The following NEGR1 variants were observed in gnomAD, a reference collection of about 807,000 sequenced individuals.
NEGR1 encodes neuronal growth regulator 1, also known as IgLON family member 4.
Under a neutral mutation model 40.9 loss-of-function variants are expected in NEGR1, and 10 were observed. The observed-to-expected ratio is 0.24, with a 90% CI of 0.15 to 0.42. NEGR1 has a LOEUF of 0.42. Among genes scored for constraint, NEGR1 ranks in the 10% least tolerant of loss-of-function variants. The pLI, the probability that NEGR1 is intolerant of heterozygous loss-of-function variation, is 1.00. For synonymous variants in NEGR1, 185 were observed against 166.8 expected, an observed-to-expected ratio of 1.11 and a Z score of -0.84; for missense variants, 352 against 438.9, an observed-to-expected ratio of 0.80 and a Z score of 1.77.
At chr1:71,559,211 T>C (rs897691156) in intron 6 of NEGR1, among the ~76,000 whole-genome samples, 18 of 151,274 alleles carry the variant, frequency 1.2e-4, no homozygotes, top group African/African-American at 4.1e-4. Flanking sequence ...TTTATTACTA[T>C]ATTTTTCTTA....
chr1:72,127,586 A>G (rs1013645935), intron 1 of NEGR1, among the ~76,000 whole-genome samples: 1 of 152,040 alleles, frequency 6.6e-6, no homozygotes, highest in Non-Finnish European at 1.5e-5. Flanking sequence ...AAAAGCATCT[A>G]AAGGTGGTAT....
intron 1 of NEGR1, among the ~76,000 whole-genome samples, chr1:72,254,719 A>C (rs1001884001): frequency 6.2e-5 from 9 of 144,746 alleles, no homozygotes; most frequent in Admixed American, 4.8e-4. Flanking sequence ...AAAAAAAAAA[A>C]GCATTTTATT....
chr1:71,914,457 A>G (rs1026809142), intron 2 of NEGR1, among the ~76,000 whole-genome samples: 2 of 152,226 alleles, frequency 1.3e-5, no homozygotes, highest in African/African-American at 4.8e-5. Flanking sequence ...AAGCCCAGGT[A>G]ATGAAAACCA....
intron 1 of NEGR1, among the ~76,000 whole-genome samples, chr1:71,964,973 GT>G (rs747042251): frequency 5.1e-4 from 78 of 152,118 alleles, no homozygotes; most frequent in Non-Finnish European, 1.0e-3. Flanking sequence ...AATTGTTCGA[GT>G]TTAGCATGGT....
intron 1 of NEGR1, among the ~76,000 whole-genome samples, chr1:72,250,372 G>C (rs1034733499): frequency 6.6e-6 from 1 of 151,788 alleles, no homozygotes; most frequent in African/African-American, 2.4e-5. Flanking sequence ...TCCCTACCTA[G>C]TCAGAGAAAA....
At chr1:71,423,956 A>G (rs1646413599) in intron 6 of NEGR1, among the ~76,000 whole-genome samples, 1 of 151,844 alleles carries the variant, frequency 6.6e-6, no homozygotes, top group Non-Finnish European at 1.5e-5. Context: ...GGTTATTAAT[A>G]TCCTTAGACT....
chr1:71,977,821 CA>C (rs35650252), intron 1 of NEGR1, among the ~76,000 whole-genome samples: 38,006 of 122,604 alleles, frequency 0.31, 5,520 homozygotes, highest in African/African-American at 0.41. Flanking sequence ...AAGCGCAAAA[CA>C]AAAAAAAAAA....
At chr1:72,128,284 G>C (rs1427343146) in intron 1 of NEGR1, among the ~76,000 whole-genome samples, 1 of 152,174 alleles carries the variant, frequency 6.6e-6, no homozygotes, top group African/African-American at 2.4e-5. Flanking sequence ...TTGCAATGGT[G>C]TTAAATCCCT....
chr1:72,147,932 C>T lies in NEGR1; in HGVS notation c.176+134387G>A, dbSNP rs530637610. 2.0e-5 allele frequency among the ~76,000 whole-genome samples: 3 copies of T among 152,254 alleles called. No homozygotes were observed. In the East Asian group the frequency reaches 5.8e-4, roughly 30 times the overall value. ...GTTCCCATGGTCTTGGGTGGCTCCA[C>T]GCCTGTGGCTTAGCAGGGTACAGCC... On this transcript the variant is annotated intron_variant, in intron 1 of 6. Coordinates refer to ENST00000357731, the MANE Select transcript of NEGR1 (RefSeq NM_173808.3).
At chr1:71,477,130 C>T (rs1424330451) in intron 6 of NEGR1, among the ~76,000 whole-genome samples, 5 of 151,958 alleles carry the variant, frequency 3.3e-5, no homozygotes, top group Non-Finnish European at 7.4e-5. Context: ...ATGAATATTC[C>T]ACATATTTAA....
chr1:72,064,743 C>A (rs1365338187), intron 1 of NEGR1, among the ~76,000 whole-genome samples: 2 of 151,970 alleles, frequency 1.3e-5, no homozygotes, highest in Non-Finnish European at 2.9e-5. Flanking sequence ...AACCTTGATA[C>A]CTGACATTTA....
chr1:72,209,134 T>C (rs1203362773), intron 1 of NEGR1, among the ~76,000 whole-genome samples: 1 of 151,674 alleles, frequency 6.6e-6, no homozygotes, highest in Non-Finnish European at 1.5e-5. Flanking sequence ...AGATTTTTTT[T>C]CTTATTATTA....
chr1:71,713,223 T>C (rs912991629), intron 3 of NEGR1, among the ~76,000 whole-genome samples: 18 of 152,216 alleles, frequency 1.2e-4, no homozygotes, highest in Admixed American at 1.2e-3. Flanking sequence ...GAAAGATTAT[T>C]GAGGTCCTTT....
chr1:72,277,063 A>C (rs1008539986), intron 1 of NEGR1, among the ~76,000 whole-genome samples: 1 of 152,158 alleles, frequency 6.6e-6, no homozygotes, highest in Non-Finnish European at 1.5e-5. Context: ...AGTGATATAC[A>C]CTGCCCAAAA....
chr1:72,000,889 A>C (rs1460346420), intron 1 of NEGR1, among the ~76,000 whole-genome samples: 2 of 152,148 alleles, frequency 1.3e-5, no homozygotes, highest in African/African-American at 2.4e-5. Context: ...GAGTTCTTTC[A>C]AACAAAAGGA....
intron 1 of NEGR1, among the ~76,000 whole-genome samples, chr1:72,185,291 GTCTT>G (rs1336131489): frequency 2.0e-5 from 3 of 151,902 alleles, no homozygotes; most frequent in Non-Finnish European, 2.9e-5. Context: ...AAATTATGCA[GTCTT>G]TCTGTTAGTT....
At position 71,576,532 on chromosome 1, in the gene NEGR1, T is replaced by C. The variant is rs143387658; in HGVS notation, c.940+16285A>G. Among the ~76,000 whole-genome samples, 104 of 152,312 alleles carry C rather than the reference T, an allele frequency of 6.8e-4. 1 individual carries two copies. The East Asian group carries it at 0.015, about 22-fold the overall frequency. On this transcript the variant is annotated intron_variant, in intron 6 of 6. Coordinates refer to ENST00000357731, the MANE Select transcript of NEGR1 (RefSeq NM_173808.3). ...ATCTTTGATAGGAATGAGTGTGTTC[T>C]ATATGGACAAGGAAGGGCAGGCCTA...
At chr1:71,857,465 A>AT (rs1472797971) in intron 2 of NEGR1, among the ~76,000 whole-genome samples, 1 of 148,912 alleles carries the variant, frequency 6.7e-6, no homozygotes, top group Admixed American at 6.7e-5. Flanking sequence ...TACAAAAAAA[A>AT]AAAAAAAAAA....
intron 1 of NEGR1, among the ~76,000 whole-genome samples, chr1:71,953,470 C>T (rs1179951795): frequency 1.3e-5 from 2 of 151,910 alleles, no homozygotes; most frequent in Non-Finnish European, 2.9e-5. Context: ...CCTGGGGTAA[C>T]TGCTGTGAAT....
Sources: allele counts gnomAD v4.1 joint callset (sites outside exome capture counted in the v4.1 genomes callset), GRCh38; gene constraint gnomAD v4.1.1; transcripts MANE v1.5; gene names NCBI Gene and HGNC (gene_info 2026-07-23, HGNC 2026-07-21).